The following ZFC3H1 variants were observed in gnomAD, a reference collection of about 807,000 sequenced individuals.
The protein encoded by ZFC3H1 is zinc finger C3H1-type containing.
ZFC3H1 carries 71 observed loss-of-function variants against 243.7 expected under a neutral mutation model. The observed-to-expected ratio is 0.29, with a 90% CI of 0.24 to 0.36. The LOEUF (loss-of-function observed/expected upper bound fraction) is 0.36. ZFC3H1 is among the 10% of genes least tolerant of loss of function. The pLI is 1.00. For missense variants in ZFC3H1, 1,966 were observed against 2,317.1 expected (o/e 0.85, Z 3.11); for synonymous variants, 838 against 813.0 (o/e 1.03, Z -0.52).
intron 2 of ZFC3H1, among the ~76,000 whole-genome samples, chr12:71,655,049 C>G (rs577269955): frequency 1.3e-5 from 2 of 152,204 alleles, no homozygotes; most frequent in South Asian, 4.1e-4. Context: ...CTCTTAGTAA[C>G]TGATCAAGCA....
At position 71,663,217 on chromosome 12, in the gene ZFC3H1, A is replaced by T; in HGVS notation, c.394T>A (p.Ser132Thr). ...GCGAGGTGGCTCCGCTCCCAGAAAGACGGCCGGGGACTGCTTTCGGACAGT... is the reference window on the plus strand; with the variant it reads ...GCGAGGTGGCTCCGCTCCCAGAAAGTCGGCCGGGGACTGCTTTCGGACAGT... The part of the protein sequence containing the change: ...SSLSESSPRP[S>T]FWERSHLALD... The change falls in exon 1 of 35, where the codon TCT becomes ACT. Residue 132 changes from serine to threonine, a missense_variant. Around this residue, in one of 4 missense-constraint regions of ZFC3H1, gnomAD observed 484 missense variants for 449.7 expected, o/e 1.08. Coordinates refer to ENST00000378743, the MANE Select transcript of ZFC3H1 (RefSeq NM_144982.5). 1 of 1,613,970 alleles carries T rather than the reference A, an allele frequency of 6.2e-7. No individual in the cohort carries two copies. Among genetic ancestry groups the T allele is most frequent in the Non-Finnish European group, 8.5e-7 (1 of 1,180,022 alleles).
chr12:71,635,027 A>C (rs1182285260), intron 10 of ZFC3H1, among the ~76,000 whole-genome samples: 1 of 152,144 alleles, frequency 6.6e-6, no homozygotes, highest in Non-Finnish European at 1.5e-5. Flanking sequence ...GTGAAGATCT[A>C]CAGTCTGAAA....
chr12:71,615,948 C>T (rs1879884450), intron 27 of ZFC3H1, among the ~76,000 whole-genome samples: 1 of 152,094 alleles, frequency 6.6e-6, no homozygotes, highest in African/African-American at 2.4e-5. Context: ...AATGAGTCTA[C>T]CAAGTATCTG....
At chr12:71,643,242 C>G (rs1278275663) in intron 5 of ZFC3H1, among the ~76,000 whole-genome samples, 5 of 151,998 alleles carry the variant, frequency 3.3e-5, no homozygotes, top group African/African-American at 1.2e-4. Context: ...GAAACCCCGT[C>G]TCTACTAAAA....
intron 2 of ZFC3H1, among the ~76,000 whole-genome samples, chr12:71,650,620 T>C (rs555728401): frequency 3.2e-4 from 49 of 152,174 alleles, no homozygotes; most frequent in African/African-American, 1.1e-3. Flanking sequence ...ACAGGAAAAG[T>C]AATTATTTAA....
intron 1 of ZFC3H1, among the ~76,000 whole-genome samples, chr12:71,658,607 G>A (rs964961240): frequency 6.6e-6 from 1 of 151,842 alleles, no homozygotes; most frequent in African/African-American, 2.4e-5. Context: ...ATTTTCAGTT[G>A]GCTAGGATGT....
In ZFC3H1 at chr12:71,613,455, C is replaced by G; in HGVS notation, c.5527-20G>C. On this transcript the variant is annotated intron_variant, in intron 30 of 34. Transcript: ENST00000378743. ...AATAACCTGTAAAGGTTGAGGGGGG[C>G]GAAAAATGAATGCAACCAAAATGTG... 1 of 1,534,772 alleles carries G rather than the reference C, an allele frequency of 6.5e-7. No individual in the cohort carries two copies. The highest frequency in any genetic ancestry group is 8.8e-7 in the Non-Finnish European group (1 of 1,131,362).
At chr12:71,638,785 G>A in intron 6 of ZFC3H1, among the ~76,000 whole-genome samples, 1 of 150,622 alleles carries the variant, frequency 6.6e-6, no homozygotes, top group African/African-American at 2.4e-5. Context: ...TGAGAACAGG[G>A]AATAAAGCAG....
At chr12:71,629,755 G>C in intron 18 of ZFC3H1, 45 bp from the exon 19 acceptor site, 1 of 1,207,208 alleles carries the variant, frequency 8.3e-7, no homozygotes, top group Non-Finnish European at 1.2e-6. Flanking sequence ...ATCAATTACA[G>C]AGACTAGGAT....
intron 11 of ZFC3H1, 42 bp from the exon 12 acceptor site, chr12:71,634,346 AAACTT>A: frequency 6.3e-7 from 1 of 1,578,282 alleles, no homozygotes; most frequent in East Asian, 2.2e-5. Flanking sequence ...ACCCAAGAAT[AAACTT>A]AAACTATTTT....
rs532556918 is a variant in ZFC3H1 at position 71,610,193 on chromosome 12, T to A, written c.*235A>T. ...AACTATACTTACGTATATGATGTTA[T>A]GAGAATCTGGCAGGGCCTAGAAGCA... On this transcript the variant is annotated 3_prime_UTR_variant, in exon 35 of 35. Transcript: ENST00000378743. The A allele has an allele frequency of 4.6e-5, 19 of 411,292 alleles. No individual in the cohort carries two copies. The South Asian group carries it at 9.6e-4, about 21-fold the overall frequency. The allele number at this position is 411,292 out of a possible 1,614,324, so 25.5% of individuals were successfully genotyped here.
At position 71,656,917 on chromosome 12, in the gene ZFC3H1, G is replaced by T; in HGVS notation, c.983C>A (p.Ser328Tyr). 9 of 1,613,000 alleles carry T rather than the reference G, an allele frequency of 5.6e-6. No individual in the cohort carries two copies. The highest frequency in any genetic ancestry group is 7.6e-6 in the Non-Finnish European group (9 of 1,179,608). Residue 328 changes from serine to tyrosine, a missense_variant, in exon 2 of 35, where the codon TCC (serine) becomes TAC (tyrosine). Ser to Tyr is a moderately radical substitution (Grantham distance 144). Coordinates refer to ENST00000378743, the MANE Select transcript of ZFC3H1 (RefSeq NM_144982.5). ...AGAATCAGTAGTGTCGGATTTCAGGGAAAGTGGTTTTGCTCCATCTTTAAC... is the reference window on the plus strand; with the variant it reads ...AGAATCAGTAGTGTCGGATTTCAGGTAAAGTGGTTTTGCTCCATCTTTAAC... The part of the protein sequence containing the change: ...KKVKDGAKPL[S>Y]LKSDTTDSSQ...
rs1880166390 is a variant in ZFC3H1, at chr12:71,626,341, T to G, written c.4236A>C (p.Ser1412=). 1.9e-6 allele frequency: 3 copies of G among 1,613,994 alleles called. No individual in the cohort carries two copies. Residue 1412 remains serine (S), a synonymous_variant, in exon 22 of 35, where the codon TCA becomes TCC. Coordinates refer to ENST00000378743, the MANE Select transcript of ZFC3H1 (RefSeq NM_144982.5). ...GCACCTCGTCCTTGGTTCCTCTTTT[T>G]GAGAACAATCTGAGGTAATGGCACC... is the stretch of plus-strand genomic sequence containing the variant. ...EIWCHYLRLF[S]KRGTKDEVQE...
Position 71,663,481 on chromosome 12 carries a change from T to A in ZFC3H1, c.130A>T (p.Ser44Cys). The A allele has an allele frequency of 6.2e-7, 1 of 1,613,062 alleles. No homozygotes were observed. The highest frequency in any genetic ancestry group is 8.5e-7 in the Non-Finnish European group (1 of 1,180,002). Residue 44 changes from serine (S) to cysteine (C), a missense_variant, in exon 1 of 35, where the codon AGC (serine) becomes TGC (cysteine). Physicochemically the swap from Ser to Cys is moderately radical, Grantham distance 112 (BLOSUM62 -1). Around this residue, in one of 4 missense-constraint regions of ZFC3H1, gnomAD observed 484 missense variants for 449.7 expected, o/e 1.08. Transcript: ENST00000378743. ...SQIRSRSSSS[S>C]SGGGLLPYPR... Reference sequence around the variant, plus strand: ...TAGGGTAACAGCCCGCCGCCGCTGCTGCTGCTGCTGCTCCGACTCCGTATC... The same window carrying A: ...TAGGGTAACAGCCCGCCGCCGCTGCAGCTGCTGCTGCTCCGACTCCGTATC...
At chr12:71,620,631 C>G (rs1231422832) in intron 24 of ZFC3H1, among the ~76,000 whole-genome samples, 1 of 152,062 alleles carries the variant, frequency 6.6e-6, no homozygotes. Flanking sequence ...TCTTTAAAAT[C>G]CATCTCAACA....
At chr12:71,610,807 A>C in intron 33 of ZFC3H1, 50 bp from the exon 34 acceptor site, 1 of 1,542,974 alleles carries the variant, frequency 6.5e-7, no homozygotes, top group Admixed American at 1.7e-5. Flanking sequence ...AATGAAAAAC[A>C]CCTTCATAAT....
At chr12:71,629,077 G>C in intron 19 of ZFC3H1, 40 bp from the exon 20 acceptor site, 1 of 1,351,080 alleles carries the variant, frequency 7.4e-7, no homozygotes, top group Non-Finnish European at 9.9e-7. Flanking sequence ...GATATAACTA[G>C]TTTTTTTTTT....
At chr12:71,614,091 G>A (rs1879838056) in intron 30 of ZFC3H1, among the ~76,000 whole-genome samples, 1 of 152,008 alleles carries the variant, frequency 6.6e-6, no homozygotes, top group Admixed American at 6.6e-5. Context: ...CTTGTGTATA[G>A]CTATATTTGC....
chr12:71,631,688 C>T (rs1880326561), intron 16 of ZFC3H1, 90 bp downstream of exon 16: 3 of 1,167,922 alleles, frequency 2.6e-6, no homozygotes, highest in Non-Finnish European at 1.2e-6. Context: ...GATTCAATTG[C>T]TTTTTCATTA....
Sources: gnomAD v4.1 joint callset for allele counts (sites outside exome capture counted in the v4.1 genomes callset) on GRCh38, gnomAD v4.1.1 for gene constraint, gnomAD v4.1.1 regional missense constraint, MANE v1.5 for transcripts, NCBI Gene and HGNC (gene_info 2026-07-23, HGNC 2026-07-21) for gene names.